The following DISC1 variants were observed in gnomAD, a reference collection of about 807,000 sequenced individuals.
DISC1 encodes the protein DISC1 scaffold protein.
Under a neutral mutation model 84.5 loss-of-function variants are expected in DISC1, and 57 were observed. The observed-to-expected ratio is 0.67, with a 90% CI of 0.55 to 0.84. The LOEUF (loss-of-function observed/expected upper bound fraction) is 0.84, where lower values mean the gene tolerates loss of function less well. Ranked by LOEUF, DISC1 falls within the 40% of genes least tolerant of loss-of-function variation. The pLI, the probability that DISC1 is intolerant of heterozygous loss-of-function variation, is 0.00. For synonymous variants in DISC1, 411 were observed against 415.2 expected, an observed-to-expected ratio of 0.99 and a Z score of 0.12; for missense variants, 1,000 against 1,057.8, an observed-to-expected ratio of 0.95 and a Z score of 0.76.
chr1:231,736,261 A>C (rs1000958777), intron 3 of DISC1, among the ~76,000 whole-genome samples: 3 of 152,020 alleles, frequency 2.0e-5, no homozygotes, highest in African/African-American at 7.2e-5. Flanking sequence ...GATAGGCAAG[A>C]CCCCTGTGTC....
intron 8 of DISC1, among the ~76,000 whole-genome samples, chr1:231,804,167 T>G (rs369527407): frequency 3.9e-5 from 6 of 152,178 alleles, no homozygotes; most frequent in Admixed American, 2.6e-4. Flanking sequence ...TTCCATTGTG[T>G]TTTATTGGTC....
At position 232,039,573 on chromosome 1, in the gene DISC1, G is replaced by A. The variant is rs200225551; in HGVS notation, c.*2742G>A. On this transcript the variant is annotated 3_prime_UTR_variant, in exon 13 of 13. Coordinates refer to ENST00000439617, the MANE Select transcript of DISC1 (RefSeq NM_018662.3). ...TCTTAGAGTATCATTCAGAAAGTCC[G>A]CTAAGGGCCAGCGTGCTTCTTCTGG... 5 of 151,980 alleles carry A rather than the reference G, an allele frequency of 3.3e-5. No individual in the cohort carries two copies. Among genetic ancestry groups the A allele is most frequent in the East Asian group, 3.9e-4 (2 of 5,166 alleles). 9.4% of individuals were successfully genotyped at this position (151,980 alleles called of 1,614,324 possible). A position where few individuals can be genotyped will look rare whatever the true frequency, so the allele number is the denominator to read the frequency against.
intron 9 of DISC1, among the ~76,000 whole-genome samples, chr1:231,931,996 G>A (rs568918761): frequency 7.2e-5 from 11 of 152,022 alleles, no homozygotes; most frequent in African/African-American, 2.4e-4. Flanking sequence ...TGGGGAGCCC[G>A]ACTATTTGCA....
At chr1:231,961,387 G>A (rs1049321784) in intron 10 of DISC1, among the ~76,000 whole-genome samples, 41 of 152,052 alleles carry the variant, frequency 2.7e-4, no homozygotes, top group African/African-American at 9.7e-4. Context: ...TTTTTCATAA[G>A]TTCAACTTTT....
intron 9 of DISC1, among the ~76,000 whole-genome samples, chr1:231,881,202 T>C (rs2086268155): frequency 6.6e-6 from 1 of 152,186 alleles, no homozygotes; most frequent in Admixed American, 6.5e-5. Context: ...GAGTGGACTT[T>C]CCCTGGCAAC....
chr1:231,665,158 G>A (rs1265101403), intron 1 of DISC1, among the ~76,000 whole-genome samples: 1 of 152,182 alleles, frequency 6.6e-6, no homozygotes, highest in East Asian at 1.9e-4. Context: ...AATAATCGCT[G>A]CATTGCCACC....
At chr1:231,914,230 G>A (rs1291991065) in intron 9 of DISC1, among the ~76,000 whole-genome samples, 1 of 152,222 alleles carries the variant, frequency 6.6e-6, no homozygotes, top group Non-Finnish European at 1.5e-5. Flanking sequence ...GGAGATGAAT[G>A]TATTTCTCTA....
intron 10 of DISC1, among the ~76,000 whole-genome samples, chr1:231,990,733 C>T (rs1449573394): frequency 6.6e-6 from 1 of 152,238 alleles, no homozygotes; most frequent in African/African-American, 2.4e-5. Flanking sequence ...GCTTCCCCTG[C>T]AGACACACCC....
At chr1:231,783,590 C>T (rs1331599853) in intron 6 of DISC1, among the ~76,000 whole-genome samples, 1 of 152,108 alleles carries the variant, frequency 6.6e-6, no homozygotes, top group East Asian at 1.9e-4. Context: ...AGCCAAATAC[C>T]AAGTTCATCA....
At chr1:231,820,753 T>C (rs2081432724) in intron 9 of DISC1, among the ~76,000 whole-genome samples, 1 of 152,214 alleles carries the variant, frequency 6.6e-6, no homozygotes, top group Non-Finnish European at 1.5e-5. Context: ...TTTAGAAATC[T>C]GCACACATCT....
intron 9 of DISC1, among the ~76,000 whole-genome samples, chr1:231,886,379 G>C (rs1039165746): frequency 6.6e-6 from 1 of 152,166 alleles, no homozygotes; most frequent in Non-Finnish European, 1.5e-5. Context: ...ATAAATTCCA[G>C]GTGAGGTTAG....
At chr1:231,871,475 G>T (rs2085459473) in intron 9 of DISC1, among the ~76,000 whole-genome samples, 1 of 152,166 alleles carries the variant, frequency 6.6e-6, no homozygotes, top group Non-Finnish European at 1.5e-5. Flanking sequence ...GTGCTAAGTG[G>T]GTTCTCTCTT....
At chr1:231,782,257 A>G (rs796509150) in intron 6 of DISC1, among the ~76,000 whole-genome samples, 22 of 152,118 alleles carry the variant, frequency 1.4e-4, no homozygotes, top group African/African-American at 5.1e-4. Flanking sequence ...TTTTTTTCCT[A>G]CTGTTAATTC....
At chr1:231,807,736 G>GT (rs1389241870) in intron 8 of DISC1, among the ~76,000 whole-genome samples, 1 of 152,188 alleles carries the variant, frequency 6.6e-6, no homozygotes, top group African/African-American at 2.4e-5. Context: ...CAGCCTCACT[G>GT]TGTGTTGGCA....
At chr1:231,783,478 T>A (rs1408701345) in intron 6 of DISC1, among the ~76,000 whole-genome samples, 1 of 152,206 alleles carries the variant, frequency 6.6e-6, no homozygotes, top group Non-Finnish European at 1.5e-5. Flanking sequence ...TGTCTGTAAG[T>A]CAAAATGTTT....
intron 4 of DISC1, among the ~76,000 whole-genome samples, chr1:231,760,532 A>G (rs1235873034): frequency 2.6e-5 from 4 of 152,176 alleles, no homozygotes; most frequent in African/African-American, 7.2e-5. Flanking sequence ...GCATTTTTCT[A>G]ACTGTGATGA....
At chr1:231,959,575 T>C in intron 10 of DISC1, 2 of 855,566 alleles carry the variant, frequency 2.3e-6, no homozygotes, top group Non-Finnish European at 2.8e-6. Flanking sequence ...AAGTAACTCT[T>C]TAGATAGGCT....
At chr1:231,993,909 C>T (rs1029580057) in intron 10 of DISC1, among the ~76,000 whole-genome samples, 3 of 152,096 alleles carry the variant, frequency 2.0e-5, no homozygotes, top group South Asian at 2.1e-4. Flanking sequence ...TGGTATACTA[C>T]GGAGTGATAC....
chr1:231,708,896 TA>T (rs1422020614), intron 3 of DISC1, among the ~76,000 whole-genome samples: 2 of 152,256 alleles, frequency 1.3e-5, no homozygotes, highest in African/African-American at 2.4e-5. Context: ...AAAATTAGTC[TA>T]TTTTTATCTA....
Sources: gnomAD v4.1 joint callset for allele counts (sites outside exome capture counted in the v4.1 genomes callset) on GRCh38, gnomAD v4.1.1 for gene constraint, MANE v1.5 for transcripts, NCBI Gene and HGNC (gene_info 2026-07-23, HGNC 2026-07-21) for gene names.